The following ZNF782 variants were observed in gnomAD, a reference collection of about 807,000 sequenced individuals.
ZNF782 encodes the protein zinc finger protein 782.
ZNF782 carries 12 observed loss-of-function variants against 13.0 expected under a neutral mutation model. That is an observed-to-expected ratio of 0.92 (90% CI 0.59 to 1.50). The LOEUF is 1.50. Ranked by LOEUF, ZNF782 falls within the 40% of genes most tolerant of loss-of-function variation. The pLI is 0.00. For missense variants in ZNF782, 770 were observed against 822.9 expected, an observed-to-expected ratio of 0.94 and a Z score of 0.79; for synonymous variants, 284 against 283.0, an observed-to-expected ratio of 1.00 and a Z score of -0.04.
In ZNF782 at chr9:96,817,134, A is replaced by C. The variant is rs547457744; in HGVS notation, c.*789T>G. ...TTCCATCATCAGAGCCTGAGTCCCA[A>C]GGTTTTCCTCCATTCCATTCTAATG... On this transcript the variant is annotated 3_prime_UTR_variant, in exon 6 of 6. Transcript: ENST00000481138. 2 of 152,190 alleles carry C rather than the reference A, an allele frequency of 1.3e-5. No individual in the cohort carries two copies. The highest frequency in any genetic ancestry group is 2.9e-5 in the Non-Finnish European group (2 of 68,060). The allele number at this position is 152,190 out of a possible 1,614,324, so 9.4% of individuals were successfully genotyped here.
chr9:96,878,142 G>A (rs904878612), upstream of ZNF782, among the ~76,000 whole-genome samples: 5 of 152,220 alleles, frequency 3.3e-5, no homozygotes, highest in Admixed American at 6.6e-5. Flanking sequence ...TCTGCTTCCC[G>A]GGTTCAAGAG....
chr9:96,911,897 A>C, the ZNF782 span, among the ~76,000 whole-genome samples: 1 of 152,046 alleles, frequency 6.6e-6, no homozygotes. Context: ...TAGTTGGTTT[A>C]TATGATTTGG....
At chr9:96,932,921 T>C in the ZNF782 span, among the ~76,000 whole-genome samples, 1 of 151,772 alleles carries the variant, frequency 6.6e-6, no homozygotes, top group African/African-American at 2.4e-5. Context: ...AGTGCTGAGA[T>C]TACAGGCATG....
At position 96,818,388 on chromosome 9, in the gene ZNF782, C is replaced by T; in HGVS notation, c.1635G>A (p.Gln545=). ...TATGATGTCCTCTGAGTTGTGATTT[C>T]TGACCGAAAGCTTTTCCACACTGAT... ...KCNQCGKAFG[Q]KSQLRGHHRI... is the part of the protein sequence containing the mutation. Residue 545 remains glutamine (Q), a synonymous_variant, in exon 6 of 6, where the codon CAG becomes CAA. Coordinates refer to ENST00000481138, the MANE Select transcript of ZNF782 (RefSeq NM_001001662.3). 1.2e-6 allele frequency: 2 copies of T among 1,613,924 alleles called. No individual in the cohort carries two copies. Among genetic ancestry groups the T allele is most frequent in the South Asian group, 1.1e-5 (1 of 91,060 alleles).
At chr9:96,870,072 A>G (rs1218770879) in intron 1 of ZNF782, among the ~76,000 whole-genome samples, 4 of 152,188 alleles carry the variant, frequency 2.6e-5, no homozygotes, top group African/African-American at 7.2e-5. Flanking sequence ...ATCTAATTAT[A>G]GCCCTTAAAG....
chr9:96,924,934 A>G, the ZNF782 span, among the ~76,000 whole-genome samples: 2 of 152,364 alleles, frequency 1.3e-5, no homozygotes, highest in African/African-American at 4.8e-5. Flanking sequence ...GCGCAGCCAC[A>G]GGCCCTCTCT....
the ZNF782 span, among the ~76,000 whole-genome samples, chr9:96,885,395 G>C: frequency 6.6e-6 from 1 of 152,022 alleles, no homozygotes. Flanking sequence ...ACATAAAAGA[G>C]GATAAAATCA....
chr9:96,924,988 G>T, the ZNF782 span, among the ~76,000 whole-genome samples: 2 of 152,248 alleles, frequency 1.3e-5, no homozygotes, highest in African/African-American at 4.8e-5. Context: ...GTGACCAGCG[G>T]AAGCATGACC....
Position 96,819,984 on chromosome 9 carries a change from A to G in ZNF782, c.245-206T>C, listed in dbSNP as rs188699263. On this transcript the variant is annotated intron_variant, in intron 5 of 5. Transcript: ENST00000481138. ...TTTGTAGTAGAAAAAGAAATGGGAA[A>G]TGAATATATATACATATTTGGCATC... is the stretch of plus-strand genomic sequence containing the variant. Among the ~76,000 whole-genome samples the G allele has an allele frequency of 2.3e-3, 357 of 152,328 alleles. 3 individuals are homozygous for G. The highest frequency in any genetic ancestry group is 8.1e-3 in the African/African-American group (335 of 41,572).
chr9:96,889,295 G>T, the ZNF782 span: 1 of 152,200 alleles, frequency 6.6e-6, no homozygotes, highest in Non-Finnish European at 1.5e-5. Context: ...AGGCATTCAC[G>T]CCACCATCTC....
rs1479145221 is a variant in ZNF782, at chr9:96,817,417, A to G, written c.*506T>C. On this transcript the variant is annotated 3_prime_UTR_variant, in exon 6 of 6. Transcript: ENST00000481138. ...CATGGCAGAAGAATTTCCCACATCC[A>G]TTAACTTCATTTCTTGTTTGTTTTA... is the stretch of plus-strand genomic sequence containing the variant. The G allele has an allele frequency of 1.3e-5, 2 of 152,736 alleles. No homozygotes were observed. Among genetic ancestry groups the G allele is most frequent in the East Asian group, 3.8e-4 (2 of 5,204 alleles). The allele number at this position is 152,736 out of a possible 1,614,324, so 9.5% of individuals were successfully genotyped here. A position where few individuals can be genotyped will look rare whatever the true frequency, so the allele number is the denominator to read the frequency against.
At chr9:96,848,470 G>A (rs976862831) in intron 3 of ZNF782, among the ~76,000 whole-genome samples, 2 of 152,010 alleles carry the variant, frequency 1.3e-5, no homozygotes, top group Non-Finnish European at 2.9e-5. Context: ...AAAGTCTCAG[G>A]GTACAAAATC....
chr9:96,932,981 T>TTC, the ZNF782 span, among the ~76,000 whole-genome samples: 2 of 146,608 alleles, frequency 1.4e-5, no homozygotes, highest in African/African-American at 2.5e-5. Flanking sequence ...TTCTTTTCTT[T>TTC]TTTTTTTTTT....
chr9:96,896,827 A>ATAC, the ZNF782 span, among the ~76,000 whole-genome samples: 4 of 152,182 alleles, frequency 2.6e-5, no homozygotes, highest in Non-Finnish European at 5.9e-5. Flanking sequence ...GCAGATAGGG[A>ATAC]TACTATCTGA....
At chr9:96,821,872 G>A (rs577605402) in intron 5 of ZNF782, among the ~76,000 whole-genome samples, 6 of 152,238 alleles carry the variant, frequency 3.9e-5, no homozygotes, top group Non-Finnish European at 7.4e-5. Flanking sequence ...CACCATGTTA[G>A]CCAGGATGGT....
the ZNF782 span, among the ~76,000 whole-genome samples, chr9:96,906,129 T>C: frequency 2.6e-5 from 4 of 152,282 alleles, no homozygotes; most frequent in African/African-American, 9.6e-5. Flanking sequence ...AATTACACTA[T>C]GATCCAGCAA....
At chr9:96,870,668 G>T (rs1316793340) in intron 1 of ZNF782, among the ~76,000 whole-genome samples, 1 of 152,112 alleles carries the variant, frequency 6.6e-6, no homozygotes, top group Non-Finnish European at 1.5e-5. Context: ...TAAAACAATG[G>T]TTTAAATTTT....
Position 96,824,806 on chromosome 9 carries a change from C to T in ZNF782, c.244+2274G>A, listed in dbSNP as rs1339533960. Among the ~76,000 whole-genome samples, 446 of 147,472 alleles carry T rather than the reference C, an allele frequency of 3.0e-3. 1 individual carries two copies. The East Asian group carries it at 0.033, about 11-fold the overall frequency. ...ATCATGAGTGAACTCCCATTCACAACTGCTTCAAAGAGAATAAAATACCTA... is the reference window on the plus strand; with the variant it reads ...ATCATGAGTGAACTCCCATTCACAATTGCTTCAAAGAGAATAAAATACCTA... On this transcript the variant is annotated intron_variant, in intron 5 of 5. Coordinates refer to ENST00000481138, the MANE Select transcript of ZNF782 (RefSeq NM_001001662.3).
At position 96,835,837 on chromosome 9, in the gene ZNF782, T is replaced by A. The variant is rs557935263; in HGVS notation, c.143-8656A>T. 3.3e-5 allele frequency among the ~76,000 whole-genome samples: 5 copies of A among 152,320 alleles called. No homozygotes were observed. The South Asian group carries it at 6.2e-4, about 19-fold the overall frequency. On this transcript the variant is annotated intron_variant, in intron 4 of 5. Coordinates refer to ENST00000481138, the MANE Select transcript of ZNF782 (RefSeq NM_001001662.3). ...CAGAGCCACTGCAGAGACCCTCTGC[T>A]AGGGCAAGGCCAAGCAAAAATTTGG...
Sources: gnomAD v4.1 joint callset for allele counts (sites outside exome capture counted in the v4.1 genomes callset) on GRCh38, gnomAD v4.1.1 for gene constraint, MANE v1.5 for transcripts, NCBI Gene and HGNC (gene_info 2026-07-23, HGNC 2026-07-21) for gene names.